The following TUBB8B variants were observed in gnomAD, a reference collection of about 807,000 sequenced individuals.
The protein encoded by TUBB8B is HSA18p11 beta-tubulin 4Q pseudogene.
Under a neutral mutation model 31.9 loss-of-function variants are expected in TUBB8B, and 26 were observed. That is an observed-to-expected ratio of 0.81 (90% CI 0.60 to 1.13). The LOEUF is 1.13. Ranked by LOEUF, TUBB8B falls within the 50% of genes most tolerant of loss-of-function variation. The pLI, the probability that TUBB8B is intolerant of heterozygous loss-of-function variation, is 0.00. For missense variants in TUBB8B, 467 were observed against 586.7 expected (o/e 0.80, Z 2.11); for synonymous variants, 173 against 231.0 (o/e 0.75, Z 2.28).
At chr18:63,652 C>T in the TUBB8B span, among the ~76,000 whole-genome samples, 7 of 149,630 alleles carry the variant, frequency 4.7e-5, no homozygotes, top group East Asian at 1.4e-3. Flanking sequence ...CAAACCCTAA[C>T]CCTAGCCCTA....
At chr18:49,619 C>A (rs996740762), upstream of TUBB8B, 10 of 752,362 alleles carry the variant, frequency 1.3e-5, 1 homozygote, top group African/African-American at 1.2e-4. Context: ...GCGCAGCGAC[C>A]CAGCCCGCCC....
the TUBB8B span, among the ~76,000 whole-genome samples, chr18:67,391 G>A: frequency 4.5e-4 from 68 of 152,262 alleles, 1 homozygote; most frequent in East Asian, 0.011. Flanking sequence ...CACCCAGGCT[G>A]GAATGCAGTG....
upstream of TUBB8B, among the ~76,000 whole-genome samples, chr18:52,096 C>T (rs1297895854): frequency 2.0e-5 from 3 of 151,934 alleles, no homozygotes; most frequent in African/African-American, 7.2e-5. Context: ...CTTCTAGGAC[C>T]ACCTTCCCTT....
upstream of TUBB8B, among the ~76,000 whole-genome samples, chr18:54,022 C>A (rs1906205355): frequency 6.6e-6 from 1 of 151,588 alleles, no homozygotes; most frequent in Non-Finnish European, 1.5e-5. Context: ...GAGTAAAGAA[C>A]AGGGTTCCCT....
chr18:64,703 C>T, the TUBB8B span, among the ~76,000 whole-genome samples: 1 of 152,134 alleles, frequency 6.6e-6, no homozygotes, highest in South Asian at 2.1e-4. Flanking sequence ...CCACCCTGGG[C>T]AACAGAGCGA....
chr18:73,098 C>T, the TUBB8B span, among the ~76,000 whole-genome samples: 5 of 152,000 alleles, frequency 3.3e-5, no homozygotes, highest in Non-Finnish European at 5.9e-5. Flanking sequence ...CCCCCTCTCC[C>T]GGTACCAGGG....
At chr18:56,351 G>A in the TUBB8B span, among the ~76,000 whole-genome samples, 3 of 151,614 alleles carry the variant, frequency 2.0e-5, no homozygotes, top group Non-Finnish European at 4.4e-5. Context: ...TTCTATTTCT[G>A]TGAGGAATGT....
chr18:62,651 G>A, the TUBB8B span, among the ~76,000 whole-genome samples: 1 of 151,574 alleles, frequency 6.6e-6, no homozygotes, highest in Non-Finnish European at 1.5e-5. Flanking sequence ...TTGATCTCTT[G>A]ACCTTGTGAT....
At chr18:63,847 A>T in the TUBB8B span, among the ~76,000 whole-genome samples, 1 of 135,408 alleles carries the variant, frequency 7.4e-6, no homozygotes, top group East Asian at 2.3e-4. Context: ...CTTAACTCTT[A>T]ACCATGACCC....
At chr18:63,049 T>C in the TUBB8B span, among the ~76,000 whole-genome samples, 1 of 151,884 alleles carries the variant, frequency 6.6e-6, no homozygotes, top group Admixed American at 6.6e-5. Context: ...TTATATTGAA[T>C]TTCTTTGAAT....
chr18:51,585 A>G (rs74893380), upstream of TUBB8B, among the ~76,000 whole-genome samples: 739 of 126,266 alleles, frequency 5.9e-3, no homozygotes, highest in African/African-American at 0.02. Flanking sequence ...GATTACAGGC[A>G]CCCACCACCA....
upstream of TUBB8B, among the ~76,000 whole-genome samples, chr18:52,314 C>A (rs1906142610): frequency 6.6e-6 from 1 of 151,414 alleles, no homozygotes; most frequent in South Asian, 2.1e-4. Flanking sequence ...AGAAAGGCAA[C>A]AATATGCAGA....
At chr18:68,512 G>A in the TUBB8B span, among the ~76,000 whole-genome samples, 1 of 152,122 alleles carries the variant, frequency 6.6e-6, no homozygotes, top group East Asian at 1.9e-4. Context: ...ATAACTCCCA[G>A]CTGGGTCTGC....
intron 1 of TUBB8B, 126 bp downstream of exon 1, chr18:49,375 C>G (rs1340047131): frequency 1.3e-6 from 1 of 793,628 alleles, no homozygotes; most frequent in South Asian, 1.7e-5. Flanking sequence ...GCCAGCCACC[C>G]GGTTCCACCG....
chr18:59,570 G>A, the TUBB8B span, among the ~76,000 whole-genome samples: 3 of 138,244 alleles, frequency 2.2e-5, no homozygotes, highest in Non-Finnish European at 3.0e-5. Context: ...TTGAGATGAC[G>A]TCTTCCTCTG....
the TUBB8B span, among the ~76,000 whole-genome samples, chr18:63,491 T>C: frequency 6.6e-6 from 1 of 150,876 alleles, no homozygotes; most frequent in Non-Finnish European, 1.5e-5. Context: ...TGGGGTAATA[T>C]AAGCATCCCT....
the TUBB8B span, among the ~76,000 whole-genome samples, chr18:71,932 A>G: frequency 6.6e-6 from 1 of 151,758 alleles, no homozygotes; most frequent in African/African-American, 2.4e-5. Context: ...TAATCCCAAC[A>G]CTTTGGGAGG....
At chr18:55,930 C>A in the TUBB8B span, among the ~76,000 whole-genome samples, 77 of 151,652 alleles carry the variant, frequency 5.1e-4, 1 homozygote, top group Non-Finnish European at 6.3e-4. Flanking sequence ...TAAAGAGTTT[C>A]CCCAGTGTTT....
chr18:55,521 C>T, the TUBB8B span, among the ~76,000 whole-genome samples: 31 of 151,774 alleles, frequency 2.0e-4, 1 homozygote, highest in Admixed American at 5.9e-4. Flanking sequence ...TGATGGCAGG[C>T]GAGACAGCAT....
Sources: allele counts gnomAD v4.1 joint callset (sites outside exome capture counted in the v4.1 genomes callset), GRCh38; gene constraint gnomAD v4.1.1; transcripts MANE v1.5; gene names NCBI Gene and HGNC (gene_info 2026-07-23, HGNC 2026-07-21).